The following KCNMA1 variants were observed in gnomAD, a reference collection of about 807,000 sequenced individuals.
The protein encoded by KCNMA1 is Calcium-activated potassium channel subunit alpha-1.
In KCNMA1, 29 loss-of-function variants were observed where a neutral mutation model predicts 140.0. The observed-to-expected ratio is 0.21, with a 90% CI of 0.15 to 0.28. The LOEUF (loss-of-function observed/expected upper bound fraction) is 0.28. KCNMA1 is among the 10% of genes least tolerant of loss of function. The pLI is 1.00. For missense variants in KCNMA1, 880 were observed against 1,602.2 expected, an observed-to-expected ratio of 0.55 and a Z score of 7.70; for synonymous variants, 612 against 611.9, an observed-to-expected ratio of 1.00 and a Z score of 0.00.
intron 3 of KCNMA1, among the ~76,000 whole-genome samples, chr10:77,212,902 T>C (rs902976701): frequency 6.6e-6 from 1 of 152,214 alleles, no homozygotes; most frequent in Non-Finnish European, 1.5e-5. Context: ...TAAAGATCTA[T>C]CCAAATCACA....
At chr10:77,587,653 G>A in intron 1 of KCNMA1, 2 of 968,124 alleles carry the variant, frequency 2.1e-6, no homozygotes, top group Non-Finnish European at 2.5e-6. Context: ...GTGCTCTGAG[G>A]ACACCTTCAG....
At chr10:76,929,741 G>A (rs2058781432) in intron 23 of KCNMA1, among the ~76,000 whole-genome samples, 1 of 152,140 alleles carries the variant, frequency 6.6e-6, no homozygotes, top group African/African-American at 2.4e-5. Context: ...AGTATGGCCT[G>A]AGCATTTCAA....
intron 17 of KCNMA1, among the ~76,000 whole-genome samples, chr10:77,014,518 T>C (rs4345908): frequency 0.42 from 63,880 of 151,966 alleles, 13,970 homozygotes; most frequent in Middle Eastern, 0.62. Flanking sequence ...GAACAATAGA[T>C]TTCTTGAACT....
intron 2 of KCNMA1, among the ~76,000 whole-genome samples, chr10:77,354,118 C>T (rs2093238338): frequency 6.6e-6 from 1 of 152,180 alleles, no homozygotes. Flanking sequence ...TCCCAAGTAG[C>T]TGGGACTACA....
intron 1 of KCNMA1, among the ~76,000 whole-genome samples, chr10:77,504,468 A>T (rs1603630467): frequency 6.6e-6 from 1 of 152,324 alleles, no homozygotes; most frequent in Admixed American, 6.5e-5. Flanking sequence ...TTCCCATGAC[A>T]GCCCTGAAGG....
intron 18 of KCNMA1, among the ~76,000 whole-genome samples, chr10:77,002,923 AT>A (rs2086973850): frequency 1.3e-5 from 2 of 152,080 alleles, no homozygotes; most frequent in Non-Finnish European, 2.9e-5. Context: ...TTTGAAAGTC[AT>A]TTCCCCCACT....
intron 3 of KCNMA1, among the ~76,000 whole-genome samples, chr10:77,247,921 A>G: frequency 6.6e-6 from 1 of 152,158 alleles, no homozygotes; most frequent in Non-Finnish European, 1.5e-5. Context: ...TTAGCCAGAT[A>G]GTAATCACTT....
intron 1 of KCNMA1, among the ~76,000 whole-genome samples, chr10:77,626,657 G>A (rs1473766859): frequency 6.6e-6 from 1 of 152,170 alleles, no homozygotes; most frequent in Non-Finnish European, 1.5e-5. Flanking sequence ...AAGAGGAGCA[G>A]AATTCTGCTC....
chr10:76,927,056 G>C (rs1013642520), intron 23 of KCNMA1, among the ~76,000 whole-genome samples: 11 of 152,026 alleles, frequency 7.2e-5, no homozygotes, highest in Non-Finnish European at 1.6e-4. Context: ...AAATAGGAAT[G>C]ACTCTAAGGC....
chr10:77,353,974 G>C (rs1277381499), intron 2 of KCNMA1, among the ~76,000 whole-genome samples: 4 of 143,770 alleles, frequency 2.8e-5, no homozygotes, highest in East Asian at 2.1e-4. Context: ...TTTTTTTGGG[G>C]GGGGGGGTGG....
intron 23 of KCNMA1, among the ~76,000 whole-genome samples, chr10:76,931,177 A>G (rs1483939927): frequency 1.3e-5 from 2 of 152,166 alleles, no homozygotes; most frequent in Non-Finnish European, 2.9e-5. Context: ...CACACACACA[A>G]TAGTAACTAT....
chr10:77,006,186 G>A (rs2088526861), intron 18 of KCNMA1, among the ~76,000 whole-genome samples: 1 of 152,192 alleles, frequency 6.6e-6, no homozygotes, highest in South Asian at 2.1e-4. Flanking sequence ...GAAGAGGCAG[G>A]AAAAAGCAGT....
chr10:76,949,129 A>C lies in KCNMA1; in HGVS notation c.2709+13T>G. The C allele has an allele frequency of 6.3e-7, 1 of 1,578,160 alleles. No homozygotes were observed. Among genetic ancestry groups the C allele is most frequent in the East Asian group, 2.2e-5 (1 of 44,716 alleles). On this transcript the variant is annotated intron_variant, in intron 22 of 27. Coordinates refer to ENST00000286628, the MANE Select transcript of KCNMA1 (RefSeq NM_001161352.2). ...AAGAAGAAAAGGCATCAATAATGTG[A>C]CCTTGGACTTACAGGCAATATGGAC...
chr10:77,447,978 C>T (rs563857827), intron 1 of KCNMA1, among the ~76,000 whole-genome samples: 24 of 152,288 alleles, frequency 1.6e-4, no homozygotes, highest in African/African-American at 5.1e-4. Flanking sequence ...GCAGGGTTTA[C>T]GGTGTCATGC....
chr10:77,293,806 C>T (rs980702760), intron 2 of KCNMA1, among the ~76,000 whole-genome samples: 2 of 152,230 alleles, frequency 1.3e-5, no homozygotes, highest in African/African-American at 4.8e-5. Flanking sequence ...AATGCAGTCC[C>T]CATCATGCAT....
chr10:77,368,293 G>A (rs1364047312), intron 2 of KCNMA1, among the ~76,000 whole-genome samples: 2 of 152,170 alleles, frequency 1.3e-5, no homozygotes, highest in South Asian at 4.1e-4. Flanking sequence ...AATGGCTAAA[G>A]ATGCTGATGT....
At chr10:77,083,239 T>A (rs2096619348) in intron 12 of KCNMA1, among the ~76,000 whole-genome samples, 1 of 152,132 alleles carries the variant, frequency 6.6e-6, no homozygotes, top group African/African-American at 2.4e-5. Context: ...TCTTCTGCAA[T>A]TTATGCTACA....
At chr10:77,270,273 T>C (rs10824509) in intron 2 of KCNMA1, among the ~76,000 whole-genome samples, 15,411 of 152,164 alleles carry the variant, frequency 0.1, 779 homozygotes, top group Middle Eastern at 0.18. Flanking sequence ...GTTGTGTTCA[T>C]GTATGAGTTC....
chr10:77,544,042 A>C (rs2060820162), intron 1 of KCNMA1, among the ~76,000 whole-genome samples: 1 of 152,138 alleles, frequency 6.6e-6, no homozygotes, highest in Admixed American at 6.6e-5. Context: ...TTCCTCTTAG[A>C]AATTTAAGCC....
Sources: gnomAD v4.1 joint callset for allele counts (sites outside exome capture counted in the v4.1 genomes callset) on GRCh38, gnomAD v4.1.1 for gene constraint, MANE v1.5 for transcripts, NCBI Gene and HGNC (gene_info 2026-07-23, HGNC 2026-07-21) for gene names.